MROH2B: variants seen among roughly 807,000 people sequenced by gnomAD.
MROH2B encodes maestro heat like repeat family member 2B.
A neutral mutation model predicts 208.6 loss-of-function variants in MROH2B; 177 were observed. The observed-to-expected ratio is 0.85, with a 90% CI of 0.75 to 0.96. The LOEUF (loss-of-function observed/expected upper bound fraction) is 0.96. Ranked by LOEUF, MROH2B falls within the 40% of genes least tolerant of loss-of-function variation. The pLI, the probability that MROH2B is intolerant of heterozygous loss-of-function variation, is 0.00. For missense variants in MROH2B, 2,002 were observed against 1,878.7 expected (o/e 1.07, Z -1.21); for synonymous variants, 728 against 659.0 (o/e 1.10, Z -1.60).
intron 28 of MROH2B, among the ~76,000 whole-genome samples, chr5:41,016,834 A>G (rs1031500148): frequency 6.6e-6 from 1 of 152,062 alleles, no homozygotes; most frequent in Admixed American, 6.6e-5. Flanking sequence ...CTGACTTGGT[A>G]AAAACATATA....
rs778037419 is a variant in MROH2B at position 41,000,325 on chromosome 5, G to A, written c.4377C>T (p.Cys1459=). The A allele has an allele frequency of 1.9e-6, 3 of 1,613,840 alleles. No individual in the cohort carries two copies. Among genetic ancestry groups the A allele is most frequent in the African/African-American group, 2.7e-5 (2 of 75,034 alleles). The stretch of plus-strand genomic sequence containing the variant: ...GCTCCTGGAGGCCCAAAAAGGGAAT[G>A]CAGACCATCAAGACATCACGGCAAG... ...GVACRDVLMV[C]IPFLGLQELY... The change falls in exon 39 of 42, where the codon TGC becomes TGT. Residue 1459 remains cysteine (C), a synonymous_variant. Coordinates refer to ENST00000399564, the MANE Select transcript of MROH2B (RefSeq NM_173489.5).
intron 17 of MROH2B, among the ~76,000 whole-genome samples, chr5:41,046,444 T>C (rs1251773170): frequency 8.5e-5 from 13 of 152,054 alleles, no homozygotes; most frequent in African/African-American, 3.1e-4. Context: ...GAAAAGTGTT[T>C]TTTTTTTCTT....
intron 28 of MROH2B, among the ~76,000 whole-genome samples, chr5:41,017,160 G>C (rs1379865025): frequency 2.0e-5 from 3 of 152,184 alleles, no homozygotes; most frequent in Non-Finnish European, 4.4e-5. Flanking sequence ...CTGCAGAACT[G>C]CACACACACA....
At chr5:41,051,175 T>C (rs1255952376) in intron 12 of MROH2B, 85 bp from the exon 13 acceptor site, 6 of 752,866 alleles carry the variant, frequency 8.0e-6, no homozygotes, top group Middle Eastern at 2.7e-4. Context: ...TCTTAGACTC[T>C]GGAGTAGAGG....
At chr5:41,064,401 A>G (rs1743733779) in intron 5 of MROH2B, 71 bp downstream of exon 5, 1 of 1,288,800 alleles carries the variant, frequency 7.8e-7, no homozygotes, top group African/African-American at 1.5e-5. Context: ...GGAAAACAAG[A>G]CTTTTGCTTA....
chr5:41,000,988 G>T (rs1480871865), intron 37 of MROH2B, among the ~76,000 whole-genome samples, 155 bp from the exon 38 acceptor site: 3 of 152,132 alleles, frequency 2.0e-5, no homozygotes, highest in Admixed American at 6.5e-5. Context: ...AATGTTCCAA[G>T]AACTTGCTTT....
In MROH2B at chr5:41,017,959, G is replaced by T. The variant is rs374499996; in HGVS notation, c.2775C>A (p.Asn925Lys). ...GTCCAAGCAGTGAACCAATTTTAAA[G>T]TTCTCTGGTGCCTGCAGGATAAAGG... ...VLTNDIEAPE[N>K]FKIGSLLGLL... The change falls in exon 28 of 42, where the codon AAC becomes AAA. Residue 925 changes from asparagine to lysine, a missense_variant. Asn to Lys is a moderately conservative substitution (Grantham distance 94). Coordinates refer to ENST00000399564, the MANE Select transcript of MROH2B (RefSeq NM_173489.5). 3.1e-5 allele frequency: 49 copies of T among 1,574,160 alleles called. No homozygotes were observed. Among genetic ancestry groups the T allele is most frequent in the Non-Finnish European group, 4.1e-5 (48 of 1,158,488 alleles).
At position 41,004,927 on chromosome 5, in the gene MROH2B, TAATC is replaced by T; in HGVS notation, c.3865-11_3865-8del. 6.2e-7 allele frequency: 1 copy of T among 1,613,350 alleles called. No homozygotes were observed. Among genetic ancestry groups the T allele is most frequent in the Non-Finnish European group, 8.5e-7 (1 of 1,179,604 alleles). On this transcript the variant is annotated splice_polypyrimidine_tract_variant and splice_region_variant and intron_variant, in intron 35 of 41. Coordinates refer to ENST00000399564, the MANE Select transcript of MROH2B (RefSeq NM_173489.5). Reference sequence around the variant, plus strand: ...GGATTGGTTCCTTCATGAGCTGAAATAATCAACACACTCCTCCCGTTTAGTTAAG... The same window carrying T: ...GGATTGGTTCCTTCATGAGCTGAAATAACACACTCCTCCCGTTTAGTTAAG...
chr5:41,023,143 C>G (rs1046488401), intron 24 of MROH2B, among the ~76,000 whole-genome samples: 2 of 152,192 alleles, frequency 1.3e-5, no homozygotes, highest in Non-Finnish European at 2.9e-5. Context: ...CGCTCTCCCC[C>G]TCCAAAGGAA....
Position 41,033,083 on chromosome 5 carries a change from C to T in MROH2B, c.2319G>A (p.Gly773=), listed in dbSNP as rs746589171. ...GCATCTCCTTGTAGGAAAACTGGAA[C>T]CCCTGATCCTCAGCATCTTGGACAG... ...GIAVQDAEDQ[G]FQFSYKEMLI... is the part of the protein sequence containing the mutation. The change falls in exon 23 of 42, where the codon GGG becomes GGA. Residue 773 remains glycine (G), a synonymous_variant. Transcript: ENST00000399564. 21 of 1,613,004 alleles carry T rather than the reference C, an allele frequency of 1.3e-5. No individual in the cohort carries two copies. The highest frequency in any genetic ancestry group is 1.7e-5 in the Non-Finnish European group (20 of 1,179,316).
intron 9 of MROH2B, among the ~76,000 whole-genome samples, chr5:41,056,260 G>C (rs1213239546): frequency 6.6e-6 from 1 of 152,130 alleles, no homozygotes; most frequent in African/African-American, 2.4e-5. Flanking sequence ...TCTGCTGTGA[G>C]AGCTGCAGTT....
chr5:41,008,469 T>A (rs1579904973), intron 33 of MROH2B, 137 bp downstream of exon 33: 1 of 899,986 alleles, frequency 1.1e-6, no homozygotes, highest in African/African-American at 1.7e-5. Flanking sequence ...TTAGGGAGAG[T>A]AGAGCCTTGT....
In MROH2B at chr5:41,057,277, T is replaced by A; in HGVS notation, c.840A>T (p.Leu280Phe). The A allele has an allele frequency of 1.2e-6, 2 of 1,601,110 alleles. No homozygotes were observed. The highest frequency in any genetic ancestry group is 1.7e-6 in the Non-Finnish European group (2 of 1,173,286). ...RSLRRSIFIN[L>F]LQQICRAPEP... ...AGCATGGTCTTCTTACCTGCTGGAG[T>A]AAATTGATAAAGATGGATCTTCTCA... The change falls in exon 8 of 42, where the codon TTA (leucine) becomes TTT (phenylalanine). Residue 280 changes from leucine to phenylalanine, a missense_variant. Leu to Phe is a conservative substitution (Grantham distance 22). Coordinates refer to ENST00000399564, the MANE Select transcript of MROH2B (RefSeq NM_173489.5).
chr5:41,036,416 GC>G (rs1350796991), intron 21 of MROH2B, among the ~76,000 whole-genome samples: 7 of 152,232 alleles, frequency 4.6e-5, no homozygotes, highest in Non-Finnish European at 5.9e-5. Flanking sequence ...GGCATCCCCA[GC>G]CATGTGGAAC....
At chr5:41,004,603 A>C (rs1379398358) in intron 36 of MROH2B, 75 bp from the exon 37 acceptor site, 6 of 1,515,864 alleles carry the variant, frequency 4.0e-6, no homozygotes, top group Non-Finnish European at 5.3e-6. Context: ...GTCCTCAGAC[A>C]AGAGGACTGA....
intron 30 of MROH2B, 119 bp from the exon 31 acceptor site, chr5:41,010,198 A>G (rs1741731319): frequency 1.1e-6 from 1 of 923,326 alleles, no homozygotes; most frequent in Non-Finnish European, 1.6e-6. Flanking sequence ...GTTAAAAATA[A>G]TAATTGATTT....
intron 29 of MROH2B, among the ~76,000 whole-genome samples, chr5:41,012,976 C>T (rs1741822221): frequency 2.6e-5 from 4 of 152,174 alleles, no homozygotes; most frequent in African/African-American, 9.7e-5. Flanking sequence ...GAATCCTAAG[C>T]CTGCTAAGGC....
chr5:41,022,603 T>G lies in MROH2B; in HGVS notation c.2442-3585A>C, dbSNP rs550688683. ...CAGCTCAAGGAGGCCTGCCTGCCTC[T>G]GCAGACTCCACCTCTGGTGGCAGGG... is the stretch of plus-strand genomic sequence containing the variant. On this transcript the variant is annotated intron_variant, in intron 24 of 41. Transcript: ENST00000399564. 4.1e-3 allele frequency among the ~76,000 whole-genome samples: 622 copies of G among 152,316 alleles called. 3 individuals carry two copies. Among genetic ancestry groups the G allele is most frequent in the Middle Eastern group, 6.8e-3 (2 of 294 alleles).
Position 41,004,914 on chromosome 5 carries a change from T to G in MROH2B, c.3871A>C (p.Lys1291Gln). ...TGAAFFSELM[K>Q]EPILWKHGNL... The stretch of plus-strand genomic sequence containing the variant: ...CCATGCTTCCAAAGGATTGGTTCCT[T>G]CATGAGCTGAAATAATCAACACACT... The change falls in exon 36 of 42, where the codon AAG (lysine) becomes CAG (glutamine). Residue 1291 changes from lysine to glutamine, a missense_variant. Transcript: ENST00000399564. 6.2e-7 allele frequency: 1 copy of G among 1,613,742 alleles called. No homozygotes were observed. Among genetic ancestry groups the G allele is most frequent in the Non-Finnish European group, 8.5e-7 (1 of 1,179,776 alleles).
Sources: gnomAD v4.1 joint callset for allele counts (sites outside exome capture counted in the v4.1 genomes callset) on GRCh38, gnomAD v4.1.1 for gene constraint, MANE v1.5 for transcripts, NCBI Gene and HGNC (gene_info 2026-07-23, HGNC 2026-07-21) for gene names.